ZNF644: variants seen among roughly 807,000 people sequenced by gnomAD.
ZNF644 encodes the protein zinc finger protein 644.
A neutral mutation model predicts 108.0 loss-of-function variants in ZNF644; 20 were observed. The ratio of observed to expected loss-of-function variants is 0.19; its 90% CI spans 0.13 to 0.27. The LOEUF (loss-of-function observed/expected upper bound fraction) is 0.27. ZNF644 is among the 10% of genes least tolerant of loss of function. The probability of loss-of-function intolerance (pLI) is 1.00; values close to 1 mark genes in which losing one functional copy is unlikely to be tolerated. For synonymous variants in ZNF644, 542 were observed against 539.1 expected, an observed-to-expected ratio of 1.01 and a Z score of -0.08; for missense variants, 1,338 against 1,548.9, an observed-to-expected ratio of 0.86 and a Z score of 2.29.
At chr1:90,999,175 T>C (rs958049848) in intron 1 of ZNF644, among the ~76,000 whole-genome samples, 2 of 151,998 alleles carry the variant, frequency 1.3e-5, no homozygotes, top group Non-Finnish European at 2.9e-5. Context: ...AACATTCAAA[T>C]TCAGGAAATA....
rs1651853381 is a variant in ZNF644 at position 90,940,546 on chromosome 1, T to G, written c.808A>C (p.Met270Leu). 6.2e-7 allele frequency: 1 copy of G among 1,613,912 alleles called. No individual in the cohort carries two copies. The highest frequency in any genetic ancestry group is 1.3e-5 in the African/African-American group (1 of 74,896). Reference sequence around the variant, plus strand: ...TTATCTACTGTTTCCTCATTAGTCATAAGAAATTGAATGAACTCTTTTTGG... The same window carrying G: ...TTATCTACTGTTTCCTCATTAGTCAGAAGAAATTGAATGAACTCTTTTTGG... ...DPQKEFIQFL[M>L]TNEETVDKAP... The change falls in exon 3 of 6, where the codon ATG (methionine) becomes CTG (leucine). Residue 270 changes from methionine (M) to leucine (L), a missense_variant. Met to Leu is a conservative substitution (Grantham distance 15). Around this residue, in one of 6 missense-constraint regions of ZNF644, gnomAD observed 464 missense variants for 457.9 expected, o/e 1.01. Transcript: ENST00000337393.
At chr1:91,002,450 T>C (rs1481825142) in intron 1 of ZNF644, among the ~76,000 whole-genome samples, 2 of 152,190 alleles carry the variant, frequency 1.3e-5, no homozygotes, top group South Asian at 2.1e-4. Context: ...ATTTAACAAA[T>C]GGTGCTGGGA....
chr1:90,944,372 T>C (rs1435913603), intron 2 of ZNF644, among the ~76,000 whole-genome samples: 1 of 152,084 alleles, frequency 6.6e-6, no homozygotes, highest in Non-Finnish European at 1.5e-5. Flanking sequence ...AAAATATATG[T>C]GCATAACAGA....
chr1:90,987,218 G>C (rs999616993), intron 1 of ZNF644, among the ~76,000 whole-genome samples: 4 of 92,404 alleles, frequency 4.3e-5, no homozygotes, highest in African/African-American at 1.6e-4. Flanking sequence ...GACAAGGAAA[G>C]AAAAAAACTC....
intron 2 of ZNF644, among the ~76,000 whole-genome samples, chr1:90,947,453 A>C (rs1652639230): frequency 6.6e-6 from 1 of 152,172 alleles, no homozygotes; most frequent in Non-Finnish European, 1.5e-5. Flanking sequence ...TTAACTGTGA[A>C]ACTTTCAAAG....
chr1:90,992,681 T>C (rs1254397079), intron 1 of ZNF644, among the ~76,000 whole-genome samples: 1 of 152,194 alleles, frequency 6.6e-6, no homozygotes, highest in African/African-American at 2.4e-5. Flanking sequence ...AAAAGCCTGA[T>C]TGTGAATAGC....
At chr1:91,007,220 ATTTTGTTTT>A (rs1383666689) in intron 1 of ZNF644, among the ~76,000 whole-genome samples, 6 of 30,276 alleles carry the variant, frequency 2.0e-4, no homozygotes, top group African/African-American at 3.0e-4. Context: ...ATTTTCTCCC[ATTTTGTTTT>A]TTTTTTTTTT....
chr1:90,924,885 T>C (rs1232780826), intron 4 of ZNF644, among the ~76,000 whole-genome samples: 1 of 152,182 alleles, frequency 6.6e-6, no homozygotes, highest in Non-Finnish European at 1.5e-5. Context: ...TTTTTCTACT[T>C]CTGCAGTAAG....
intron 2 of ZNF644, among the ~76,000 whole-genome samples, chr1:90,971,010 A>AC (rs201241889): frequency 6.6e-6 from 1 of 151,496 alleles, no homozygotes; most frequent in Non-Finnish European, 1.5e-5. Flanking sequence ...AAAAAAAAAA[A>AC]AAAAAAAACA....
At position 90,940,315 on chromosome 1, in the gene ZNF644, G is replaced by A; in HGVS notation, c.1039C>T (p.Pro347Ser). The stretch of plus-strand genomic sequence containing the variant: ...TCTAAGTCTTCATCAGTTGATTCAG[G>A]CTTCACTTTTGATAATGCATATTTC... Reference protein sequence around the residue: ...SQKYALSKVKPESTDEDLESV... With the variant: ...SQKYALSKVKSESTDEDLESV... Residue 347 changes from proline (P) to serine (S), a missense_variant, in exon 3 of 6, where the codon CCT becomes TCT. By Grantham distance (74) the Pro-to-Ser change is moderately conservative. Transcript: ENST00000337393. 1 of 1,613,870 alleles carries A rather than the reference G, an allele frequency of 6.2e-7. No homozygotes were observed. The highest frequency in any genetic ancestry group is 8.5e-7 in the Non-Finnish European group (1 of 1,179,942).
chr1:90,958,779 A>C (rs1654019127), intron 2 of ZNF644, among the ~76,000 whole-genome samples: 1 of 152,210 alleles, frequency 6.6e-6, no homozygotes, highest in Non-Finnish European at 1.5e-5. Flanking sequence ...CAAAAGAATG[A>C]AGTTGGAAGC....
chr1:90,971,111 A>C (rs1490147707), intron 2 of ZNF644, among the ~76,000 whole-genome samples: 2 of 152,060 alleles, frequency 1.3e-5, no homozygotes, highest in African/African-American at 4.8e-5. Context: ...ATCCAGGTAG[A>C]AAAGAGATTG....
chr1:90,943,898 C>T (rs1041485178), intron 2 of ZNF644, among the ~76,000 whole-genome samples: 8 of 152,204 alleles, frequency 5.3e-5, no homozygotes, highest in East Asian at 1.9e-4. Flanking sequence ...AAACATAAAA[C>T]GCTTCAATAG....
At chr1:90,955,356 C>T (rs1653649822) in intron 2 of ZNF644, among the ~76,000 whole-genome samples, 1 of 152,192 alleles carries the variant, frequency 6.6e-6, no homozygotes, top group South Asian at 2.1e-4. Context: ...GTCCGCCTGT[C>T]TCTCAGGCTT....
intron 4 of ZNF644, among the ~76,000 whole-genome samples, chr1:90,925,361 T>C (rs554803389): frequency 2.2e-4 from 34 of 152,176 alleles, no homozygotes; most frequent in Non-Finnish European, 4.0e-4. Context: ...TAAATAAACA[T>C]AGAAACCGCT....
Position 90,999,517 on chromosome 1 carries a change from G to A in ZNF644, c.-17-17147C>T, listed in dbSNP as rs1010991009. On this transcript the variant is annotated intron_variant, in intron 1 of 5. Coordinates refer to ENST00000337393, the MANE Select transcript of ZNF644 (RefSeq NM_201269.3). ...TGAGAGATTTGTCACCACCAGGCCTGTCAACAGCTCCTGAAGGAAGCACTA... is the reference window on the plus strand; with the variant it reads ...TGAGAGATTTGTCACCACCAGGCCTATCAACAGCTCCTGAAGGAAGCACTA... Among the ~76,000 whole-genome samples, 5 of 151,410 alleles carry A rather than the reference G, an allele frequency of 3.3e-5. No individual in the cohort carries two copies. The East Asian group carries it at 9.7e-4, about 29-fold the overall frequency.
At chr1:90,995,569 G>A (rs1156535278) in intron 1 of ZNF644, among the ~76,000 whole-genome samples, 1 of 151,868 alleles carries the variant, frequency 6.6e-6, no homozygotes. Context: ...TATACACAAA[G>A]AGCCACATAT....
At chr1:90,919,740 G>C (rs371407855) in intron 4 of ZNF644, among the ~76,000 whole-genome samples, 5 of 152,060 alleles carry the variant, frequency 3.3e-5, no homozygotes, top group East Asian at 1.9e-4. Context: ...CAAGAGCCTC[G>C]CATGTAGTAG....
chr1:90,920,837 T>C (rs990323199), intron 4 of ZNF644, among the ~76,000 whole-genome samples: 1 of 152,090 alleles, frequency 6.6e-6, no homozygotes. Context: ...CTGGGAACTT[T>C]GGAAATTGAA....
Sources: allele counts gnomAD v4.1 joint callset (sites outside exome capture counted in the v4.1 genomes callset), GRCh38; gene constraint gnomAD v4.1.1; regional missense constraint gnomAD v4.1.1; transcripts MANE v1.5; gene names NCBI Gene and HGNC (gene_info 2026-07-23, HGNC 2026-07-21).